Variants in TMEM184C observed in about 807,000 individuals in gnomAD.
TMEM184C encodes transmembrane protein 34.
A neutral mutation model predicts 54.5 loss-of-function variants in TMEM184C; 25 were observed. The observed-to-expected ratio is 0.46, with a 90% CI of 0.33 to 0.64. The LOEUF is 0.64. Ranked by LOEUF, TMEM184C falls within the 30% of genes least tolerant of loss-of-function variation. The probability of loss-of-function intolerance (pLI) is 0.02; values close to 1 mark genes in which losing one functional copy is unlikely to be tolerated. For synonymous variants in TMEM184C, 148 were observed against 181.5 expected (o/e 0.82, Z 1.49); for missense variants, 335 against 520.3 (o/e 0.64, Z 3.46).
At chr4:147,618,752 CCTT>C (rs1305205067) in intron 1 of TMEM184C, among the ~76,000 whole-genome samples, 3 of 152,162 alleles carry the variant, frequency 2.0e-5, no homozygotes, top group East Asian at 1.9e-4. Context: ...TATTTTAGGC[CCTT>C]CTTTATTGTG....
rs1732969204 is a variant in TMEM184C at position 147,634,197 on chromosome 4, A to G, written c.1080A>G (p.Lys360=). 1.9e-6 allele frequency: 3 copies of G among 1,613,896 alleles called. No homozygotes were observed. The African/African-American group carries it at 4.0e-5, about 22-fold the overall frequency. Residue 360 remains lysine, a synonymous_variant, in exon 10 of 10, where the codon AAA becomes AAG. Transcript: ENST00000296582. ...VGRTVRGHPR[K]KLFPEDQDQN... is the part of the protein sequence containing the mutation. ...GGACAGTCAGGGGACATCCCAGGAA[A>G]AAATTGTTTCCCGAGGATCAAGATC... is the stretch of plus-strand genomic sequence containing the variant.
chr4:147,628,330 G>A, intron 4 of TMEM184C, 31 bp from the exon 5 acceptor site: 1 of 1,570,598 alleles, frequency 6.4e-7, no homozygotes, highest in Non-Finnish European at 8.7e-7. Flanking sequence ...TAAATGAGTA[G>A]TTGAAATTCT....
chr4:147,629,499 A>G, intron 5 of TMEM184C, 100 bp from the exon 6 acceptor site: 1 of 807,172 alleles, frequency 1.2e-6, no homozygotes, highest in Non-Finnish European at 1.9e-6. Flanking sequence ...TGTCAGTGAG[A>G]TCTCAAATAA....
intron 3 of TMEM184C, 104 bp downstream of exon 3, chr4:147,624,202 G>A: frequency 1.0e-6 from 1 of 962,770 alleles, no homozygotes; most frequent in Non-Finnish European, 1.5e-6. Flanking sequence ...CAAGGAGTCA[G>A]ATTAATAAGT....
At chr4:147,626,624 A>T (rs186653667) in intron 4 of TMEM184C, among the ~76,000 whole-genome samples, 1 of 152,308 alleles carries the variant, frequency 6.6e-6, no homozygotes, top group Admixed American at 6.5e-5. Flanking sequence ...CTGGCTTTTT[A>T]AAAAAATAAG....
intron 6 of TMEM184C, among the ~76,000 whole-genome samples, chr4:147,630,591 A>C (rs1056314614): frequency 3.3e-5 from 5 of 152,104 alleles, no homozygotes; most frequent in African/African-American, 1.2e-4. Flanking sequence ...ACTAAAAATA[A>C]GCCTGATGAA....
Position 147,634,420 on chromosome 4 carries a change from T to C in TMEM184C, c.1303T>C (p.Ser435Pro). The change falls in exon 10 of 10, where the codon TCC (serine) becomes CCC (proline). Residue 435 changes from serine to proline, a missense_variant. Ser to Pro is a moderately conservative substitution (Grantham distance 74, BLOSUM62 -1). Transcript: ENST00000296582. ...IGEKKEPSDK[S>P]VDS ...AGAGAAAAAAGAACCTTCAGATAAA[T>C]CCGTGGATTCCTGAACAGTATGGAA... The C allele has an allele frequency of 6.2e-7, 1 of 1,613,916 alleles. No individual in the cohort carries two copies. The highest frequency in any genetic ancestry group is 1.7e-4 in the Middle Eastern group (1 of 6,056).
rs1485458327 is a variant in TMEM184C, at chr4:147,623,816, GTTAT to G, written c.124-15_124-12del. ...TTAATATCAGAATTTATATTAACAT[GTTAT>G]TTTGTTTCTTAAGGTTGGAATACAC... On this transcript the variant is annotated splice_polypyrimidine_tract_variant and intron_variant, in intron 1 of 9. Transcript: ENST00000296582. 1 of 1,611,550 alleles carries G rather than the reference GTTAT, an allele frequency of 6.2e-7. No individual in the cohort carries two copies. The highest frequency in any genetic ancestry group is 1.3e-5 in the African/African-American group (1 of 74,818).
intron 1 of TMEM184C, 95 bp downstream of exon 1, chr4:147,618,174 C>A (rs1732636189): frequency 1.3e-6 from 2 of 1,556,290 alleles, no homozygotes; most frequent in Admixed American, 3.4e-5. Context: ...CCTGACAGTC[C>A]TGAAAACCAT....
intron 1 of TMEM184C, among the ~76,000 whole-genome samples, chr4:147,622,101 C>CA (rs990228119): frequency 2.6e-5 from 4 of 151,480 alleles, no homozygotes. Context: ...CCTCTGGCAC[C>CA]CGGCTAATTT....
chr4:147,624,824 C>A lies in TMEM184C; in HGVS notation c.312C>A (p.Pro104=). ...SLDSWIALKY[P]GIAIYVDTCR... ...CATAGTGGATAGCTTTGAAATATCC[C>A]GGAATTGCAATATATGTGGATACCT... The change falls in exon 4 of 10, where the codon CCC becomes CCA. Residue 104 remains proline (P), a synonymous_variant. Coordinates refer to ENST00000296582, the MANE Select transcript of TMEM184C (RefSeq NM_018241.3). 6.2e-7 allele frequency: 1 copy of A among 1,613,532 alleles called. No individual in the cohort carries two copies. Among genetic ancestry groups the A allele is most frequent in the South Asian group, 1.1e-5 (1 of 91,052 alleles).
At chr4:147,622,755 T>G (rs778364695) in intron 1 of TMEM184C, among the ~76,000 whole-genome samples, 1 of 152,162 alleles carries the variant, frequency 6.6e-6, no homozygotes, top group African/African-American at 2.4e-5. Context: ...GACTTTGTAT[T>G]AGCTTTTGGT....
At chr4:147,633,097 G>T in intron 8 of TMEM184C, 95 bp downstream of exon 8, 1 of 1,000,742 alleles carries the variant, frequency 1.0e-6, no homozygotes, top group Non-Finnish European at 1.5e-6. Flanking sequence ...AGGGTATGGG[G>T]CTATTATCCT....
At chr4:147,627,597 A>G (rs1300374376) in intron 4 of TMEM184C, among the ~76,000 whole-genome samples, 1 of 152,238 alleles carries the variant, frequency 6.6e-6, no homozygotes, top group Non-Finnish European at 1.5e-5. Context: ...TGGGCAACAC[A>G]GTGAAACCAC....
Position 147,624,902 on chromosome 4 carries a change from C to G in TMEM184C, c.390C>G (p.Thr130=), listed in dbSNP as rs1230485586. The G allele has an allele frequency of 6.2e-7, 1 of 1,613,850 alleles. No homozygotes were observed. ...TTTACAACTTTATGGGATTCCTTAC[C>G]AATTATCTAACTAACCGGTATCCAA... The part of the protein sequence containing the change: ...YVIYNFMGFL[T]NYLTNRYPNL... The change falls in exon 4 of 10, where the codon ACC becomes ACG. Residue 130 remains threonine (T), a synonymous_variant. Coordinates refer to ENST00000296582, the MANE Select transcript of TMEM184C (RefSeq NM_018241.3).
intron 9 of TMEM184C, 28 bp from the exon 10 acceptor site, chr4:147,634,141 T>A: frequency 6.3e-7 from 1 of 1,593,512 alleles, no homozygotes; most frequent in Non-Finnish European, 8.5e-7. Flanking sequence ...AAAATAACTT[T>A]TGACTAACAG....
At chr4:147,621,174 T>C (rs1319320891) in intron 1 of TMEM184C, among the ~76,000 whole-genome samples, 1 of 152,146 alleles carries the variant, frequency 6.6e-6, no homozygotes, top group Non-Finnish European at 1.5e-5. Context: ...CAGCACACTT[T>C]TTTTTTTAAC....
At chr4:147,629,534 C>CT in intron 5 of TMEM184C, 65 bp from the exon 6 acceptor site, 1 of 1,167,942 alleles carries the variant, frequency 8.6e-7, no homozygotes, top group Non-Finnish European at 1.2e-6. Context: ...TTAAGTATTG[C>CT]TATTGCTGTA....
intron 1 of TMEM184C, among the ~76,000 whole-genome samples, chr4:147,619,815 T>G (rs1265395462): frequency 6.6e-6 from 1 of 152,232 alleles, no homozygotes; most frequent in African/African-American, 2.4e-5. Context: ...TCCCAACATG[T>G]CTTGCTTGGA....
Sources: gnomAD v4.1 joint callset for allele counts (sites outside exome capture counted in the v4.1 genomes callset) on GRCh38, gnomAD v4.1.1 for gene constraint, MANE v1.5 for transcripts, NCBI Gene and HGNC (gene_info 2026-07-23, HGNC 2026-07-21) for gene names.